The following TRIM31 variants were observed in gnomAD, a reference collection of about 807,000 sequenced individuals.
TRIM31 encodes E3 ubiquitin-protein ligase TRIM31.
A neutral mutation model predicts 40.6 loss-of-function variants in TRIM31; 31 were observed. The ratio of observed to expected loss-of-function variants is 0.76; its 90% confidence interval spans 0.57 to 1.03. The LOEUF (loss-of-function observed/expected upper bound fraction) is 1.03, where lower values mean the gene tolerates loss of function less well. TRIM31 is among the 50% of genes least tolerant of loss of function. TRIM31 has a pLI of 0.00. For synonymous variants in TRIM31, 164 were observed against 193.9 expected, an observed-to-expected ratio of 0.85 and a Z score of 1.28; for missense variants, 455 against 497.5, an observed-to-expected ratio of 0.91 and a Z score of 0.81.
chr6:30,111,228 G>A (rs920383248), intron 3 of TRIM31: 4 of 176,686 alleles, frequency 2.3e-5, no homozygotes, highest in Non-Finnish European at 4.8e-5. Context: ...TTAATTAAGA[G>A]GAGAGTCTCG....
chr6:30,102,910 C>T lies in TRIM31; in HGVS notation c.*626G>A, dbSNP rs1287366944. 6.5e-6 allele frequency: 1 copy of T among 153,010 alleles called. No individual in the cohort carries two copies. Among genetic ancestry groups the T allele is most frequent in the Non-Finnish European group, 1.5e-5 (1 of 68,676 alleles). The allele number at this position is 153,010 out of a possible 1,614,324, so 9.5% of individuals were successfully genotyped here. On this transcript the variant is annotated 3_prime_UTR_variant, in exon 9 of 9. Transcript: ENST00000376734. ...CTTTTACTAGGATTCCACGTTCAGT[C>T]GCAGTTTATTAAAGTTAGAAGTGTC...
chr6:30,104,204 TA>T (rs1212598655), intron 7 of TRIM31, 37 bp from the exon 8 acceptor site: 3 of 1,605,754 alleles, frequency 1.9e-6, no homozygotes, highest in Non-Finnish European at 2.6e-6. Flanking sequence ...TTGGTCTTGA[TA>T]ACCAGAAGCT....
chr6:30,104,195 T>C, intron 7 of TRIM31, 28 bp from the exon 8 acceptor site: 1 of 1,610,576 alleles, frequency 6.2e-7, no homozygotes, highest in Non-Finnish European at 8.5e-7. Context: ...AAAACCTATT[T>C]GGTCTTGATA....
rs9278578 is a variant in TRIM31, at chr6:30,111,030, C to CTTT, written c.514-355_514-353dup. ...CACAATGTCTTCATTTTCCTTCTGT[C>CTTT]TTTTTTTTTTTTTTTTTTTGAGACA... On this transcript the variant is annotated intron_variant, in intron 3 of 8. Transcript: ENST00000376734. Among the ~76,000 whole-genome samples the CTTT allele has an allele frequency of 5.7e-3, 647 of 114,282 alleles. 16 individuals are homozygous for CTTT. Among genetic ancestry groups the CTTT allele is most frequent in the East Asian group, 0.028 (106 of 3,740 alleles). 75.0% of individuals were successfully genotyped at this position (114,282 alleles called of 152,430 possible).
chr6:30,103,226 G>T lies in TRIM31; in HGVS notation c.*310C>A, dbSNP rs1768352924. On this transcript the variant is annotated 3_prime_UTR_variant, in exon 9 of 9. Transcript: ENST00000376734. ...CTGCTTAAAGAGTGCGGGGACTGCTGCAGGGACTTCCTTTTTCCACTAGGC... is the reference window on the plus strand; with the variant it reads ...CTGCTTAAAGAGTGCGGGGACTGCTTCAGGGACTTCCTTTTTCCACTAGGC... The T allele has an allele frequency of 1.9e-6, 1 of 513,202 alleles. No individual in the cohort carries two copies. Among genetic ancestry groups the T allele is most frequent in the Non-Finnish European group, 3.5e-6 (1 of 284,678 alleles). The allele number at this position is 513,202 out of a possible 1,614,324, so 31.8% of individuals were successfully genotyped here.
Position 30,103,683 on chromosome 6 carries a change from C to T in TRIM31, c.1131G>A (p.Leu377=), listed in dbSNP as rs1768411286. The T allele has an allele frequency of 1.2e-6, 2 of 1,613,036 alleles. No individual in the cohort carries two copies. The highest frequency in any genetic ancestry group is 1.7e-6 in the Non-Finnish European group (2 of 1,180,040). The part of the protein sequence containing the change: ...AGKVTFPVCL[L]ASYDEISGQG... The stretch of plus-strand genomic sequence containing the variant: ...GACCAGAAATCTCATCATAAGAGGC[C>T]AGGAGACATACTGGAAAAGTGACTT... The change falls in exon 9 of 9, where the codon CTG becomes CTA. Residue 377 remains leucine, a synonymous_variant. Coordinates refer to ENST00000376734, the MANE Select transcript of TRIM31 (RefSeq NM_007028.5).
intron 1 of TRIM31, 59 bp from the exon 2 acceptor site, chr6:30,112,947 G>A: frequency 1.4e-6 from 1 of 690,330 alleles, no homozygotes; most frequent in Non-Finnish European, 2.2e-6. Flanking sequence ...CAATTAGTTA[G>A]AAGAGCAGAG....
At position 30,105,862 on chromosome 6, in the gene TRIM31, A is replaced by T. The variant is rs552996538; in HGVS notation, c.884-620T>A. Among the ~76,000 whole-genome samples, 3 of 152,314 alleles carry T rather than the reference A, an allele frequency of 2.0e-5. No homozygotes were observed. In the South Asian group the frequency reaches 6.2e-4, roughly 32 times the overall value. On this transcript the variant is annotated intron_variant, in intron 6 of 8. Coordinates refer to ENST00000376734, the MANE Select transcript of TRIM31 (RefSeq NM_007028.5). ...CCTTTAGCTTCAGAAGGCCTACTGT[A>T]GGGCTAACCACCCAGGAGCCAGGTG...
chr6:30,104,540 G>A (rs1768497482), intron 7 of TRIM31, among the ~76,000 whole-genome samples: 1 of 152,182 alleles, frequency 6.6e-6, no homozygotes, highest in Non-Finnish European at 1.5e-5. Context: ...TGGCTTTGGA[G>A]AAAGGAGTTC....
intron 3 of TRIM31, chr6:30,111,175 G>A (rs1769274384): frequency 5.6e-6 from 1 of 178,878 alleles, no homozygotes; most frequent in African/African-American, 2.4e-5. Flanking sequence ...TGGGACTACA[G>A]GCGTGTGCTA....
Position 30,103,600 on chromosome 6 carries a change from T to G in TRIM31, c.1214A>C (p.His405Pro). 1.2e-6 allele frequency: 2 copies of G among 1,613,100 alleles called. No individual in the cohort carries two copies. The highest frequency in any genetic ancestry group is 8.5e-7 in the Non-Finnish European group (1 of 1,180,032). Reference sequence around the variant, plus strand: ...TGTCAGCCACTCACTCAGTGCCGCATGGAGCTCCTCGGACAGCGCAACGTC... The same window carrying G: ...TGTCAGCCACTCACTCAGTGCCGCAGGGAGCTCCTCGGACAGCGCAACGTC... ...TFDVALSEELHAALSEWLTAI... is the reference protein window; with the variant it reads ...TFDVALSEELPAALSEWLTAI... Residue 405 changes from histidine (H) to proline (P), a missense_variant, in exon 9 of 9, where the codon CAT becomes CCT. By Grantham distance (77) the His-to-Pro change is moderately conservative. Coordinates refer to ENST00000376734, the MANE Select transcript of TRIM31 (RefSeq NM_007028.5).
At chr6:30,103,914 T>A (rs1239205205) in intron 8 of TRIM31, 125 bp from the exon 9 acceptor site, 6 of 1,488,306 alleles carry the variant, frequency 4.0e-6, no homozygotes, top group Non-Finnish European at 3.7e-6. Flanking sequence ...CTCAAGAAAG[T>A]ACACCTGAAC....
intron 2 of TRIM31, 126 bp from the exon 3 acceptor site, chr6:30,111,869 G>T: frequency 1.2e-6 from 1 of 855,256 alleles, no homozygotes; most frequent in Non-Finnish European, 1.9e-6. Context: ...TTAAGGACTC[G>T]CCTTTCTCAA....
At position 30,103,270 on chromosome 6, in the gene TRIM31, A is replaced by T; in HGVS notation, c.*266T>A. 1 of 593,370 alleles carries T rather than the reference A, an allele frequency of 1.7e-6. No individual in the cohort carries two copies. The highest frequency in any genetic ancestry group is 3.0e-6 in the Non-Finnish European group (1 of 336,738). The allele number at this position is 593,370 out of a possible 1,614,324, so 36.8% of individuals were successfully genotyped here. ...ACTAGGCGGCACCACAGCCAAAGTG[A>T]TAAGAAGTCAAGCGTGGGGCGGGTG... On this transcript the variant is annotated 3_prime_UTR_variant, in exon 9 of 9. Transcript: ENST00000376734.
At position 30,110,647 on chromosome 6, in the gene TRIM31, A is replaced by G; in HGVS notation, c.545T>C (p.Leu182Pro). 1 of 1,614,216 alleles carries G rather than the reference A, an allele frequency of 6.2e-7. No individual in the cohort carries two copies. The highest frequency in any genetic ancestry group is 8.5e-7 in the Non-Finnish European group (1 of 1,180,040). ...DQVEHEKQRILTEFELLHQVL... is the reference protein window; with the variant it reads ...DQVEHEKQRIPTEFELLHQVL... ...TTGATGCAGGAGTTCAAATTCTGTGAGGATCCTTTGCTTCTCATGTTCTAC... is the reference window on the plus strand; with the variant it reads ...TTGATGCAGGAGTTCAAATTCTGTGGGGATCCTTTGCTTCTCATGTTCTAC... The change falls in exon 4 of 9, where the codon CTC (leucine) becomes CCC (proline). Residue 182 changes from leucine to proline, a missense_variant. Leu to Pro is a moderately conservative substitution (Grantham distance 98). Transcript: ENST00000376734.
chr6:30,103,405 T>G lies in TRIM31; in HGVS notation c.*131A>C. ...TCTCCACTCTCAGTAGCCCGAGCCCTCCCATTCTCCACTCCTTCGACCCAA... is the reference window on the plus strand; with the variant it reads ...TCTCCACTCTCAGTAGCCCGAGCCCGCCCATTCTCCACTCCTTCGACCCAA... On this transcript the variant is annotated 3_prime_UTR_variant, in exon 9 of 9. Transcript: ENST00000376734. 10 of 974,156 alleles carry G rather than the reference T, an allele frequency of 1.0e-5. No individual in the cohort carries two copies. In the South Asian group the frequency reaches 1.5e-4, roughly 14 times the overall value. 60.3% of individuals were successfully genotyped at this position (974,156 alleles called of 1,614,324 possible). A position where few individuals can be genotyped will look rare whatever the true frequency, so the allele number is the denominator to read the frequency against.
intron 2 of TRIM31, 163 bp downstream of exon 2, chr6:30,112,226 A>G (rs2127394304): frequency 5.7e-6 from 4 of 697,968 alleles, no homozygotes; most frequent in Non-Finnish European, 9.4e-6. Flanking sequence ...AGTTCCCCAG[A>G]CTCAGCTCTT....
At chr6:30,108,992 G>A (rs1478486983) in intron 5 of TRIM31, 34 bp downstream of exon 5, 4 of 1,610,710 alleles carry the variant, frequency 2.5e-6, no homozygotes, top group Non-Finnish European at 2.5e-6. Context: ...GGATGAATCA[G>A]TAGGCAAAAT....
chr6:30,112,767 T>G lies in TRIM31; in HGVS notation c.39A>C (p.Glu13Asp). ...TGTCCAGGCAGATGGGGCAGATCAC[T>G]TCCTCTTGCAGTTTGTTCACAAACT... ...SGQFVNKLQE[E>D]VICPICLDIL... is the part of the protein sequence containing the mutation. The change falls in exon 2 of 9, where the codon GAA becomes GAC. Residue 13 changes from glutamate to aspartate, a missense_variant. Physicochemically the swap from Glu to Asp is conservative, Grantham distance 45. Transcript: ENST00000376734. 6.2e-7 allele frequency: 1 copy of G among 1,612,372 alleles called. No individual in the cohort carries two copies. Among genetic ancestry groups the G allele is most frequent in the Non-Finnish European group, 8.5e-7 (1 of 1,179,694 alleles).
Sources: allele counts gnomAD v4.1 joint callset (sites outside exome capture counted in the v4.1 genomes callset), GRCh38; gene constraint gnomAD v4.1.1; transcripts MANE v1.5; gene names NCBI Gene and HGNC (gene_info 2026-07-23, HGNC 2026-07-21).